Variants in LPIN2 observed in about 807,000 individuals in gnomAD.
LPIN2 encodes phosphatidate phosphatase LPIN2.
LPIN2 carries 55 observed loss-of-function variants against 111.4 expected under a neutral mutation model. The observed-to-expected ratio is 0.49, with a 90% CI of 0.40 to 0.62. LPIN2 has a LOEUF of 0.62. LPIN2 is among the 20% of genes least tolerant of loss of function. The pLI is 0.00. For missense variants in LPIN2, 992 were observed against 1,112.1 expected (o/e 0.89, Z 1.54); for synonymous variants, 425 against 414.0 (o/e 1.03, Z -0.32).
intron 3 of LPIN2, among the ~76,000 whole-genome samples, chr18:2,953,667 T>C (rs1243719289): frequency 6.6e-6 from 1 of 152,206 alleles, no homozygotes; most frequent in Non-Finnish European, 1.5e-5. Flanking sequence ...TGTAAGTTCA[T>C]CTTCAAAGCC....
In LPIN2 at chr18:2,919,498, AAGC is replaced by A. The variant is rs1272628373; in HGVS notation, c.*792_*794del. The A allele has an allele frequency of 6.6e-6, 1 of 152,288 alleles. No homozygotes were observed. The highest frequency in any genetic ancestry group is 2.1e-4 in the South Asian group (1 of 4,830). The allele number at this position is 152,288 out of a possible 1,614,324, so 9.4% of individuals were successfully genotyped here. ...ATCTGCATTTCGGAGGCCTCCCTAA[AAGC>A]AGAGTTGTTGGGGGCGGGGCGGGGT... On this transcript the variant is annotated 3_prime_UTR_variant, in exon 20 of 20. Coordinates refer to ENST00000677752, the MANE Select transcript of LPIN2 (RefSeq NM_001375808.2).
intron 9 of LPIN2, 123 bp from the exon 10 acceptor site, chr18:2,929,281 G>T: frequency 1.4e-6 from 1 of 706,282 alleles, no homozygotes; most frequent in Non-Finnish European, 2.4e-6. Context: ...ACTAATTTTT[G>T]AATATTCATC....
chr18:2,946,511 C>A, intron 4 of LPIN2: 3 of 1,566,178 alleles, frequency 1.9e-6, no homozygotes, highest in Non-Finnish European at 8.8e-7. Flanking sequence ...CTGACCGCAG[C>A]TCCGGTTGTA....
At chr18:2,941,299 GAGA>G (rs2077364315) in intron 4 of LPIN2, among the ~76,000 whole-genome samples, 1 of 152,180 alleles carries the variant, frequency 6.6e-6, no homozygotes, top group Admixed American at 6.5e-5. Flanking sequence ...AGGATTATCT[GAGA>G]AGGTTTCCTT....
In LPIN2 at chr18:2,920,070, C is replaced by T; in HGVS notation, c.*223G>A. Reference sequence around the variant, plus strand: ...CCACAAAGGAGGGATCCCAGGCCTCCAGCCCCAGGCCCAGTTCCTCCCTTC... The same window carrying T: ...CCACAAAGGAGGGATCCCAGGCCTCTAGCCCCAGGCCCAGTTCCTCCCTTC... On this transcript the variant is annotated 3_prime_UTR_variant, in exon 20 of 20. Coordinates refer to ENST00000677752, the MANE Select transcript of LPIN2 (RefSeq NM_001375808.2). 1 of 608,494 alleles carries T rather than the reference C, an allele frequency of 1.6e-6. No homozygotes were observed. Among genetic ancestry groups the T allele is most frequent in the South Asian group, 1.9e-5 (1 of 51,604 alleles). The allele number at this position is 608,494 out of a possible 1,614,324, so 37.7% of individuals were successfully genotyped here.
chr18:2,997,881 G>T (rs2078369612), intron 1 of LPIN2, among the ~76,000 whole-genome samples: 1 of 152,180 alleles, frequency 6.6e-6, no homozygotes, highest in Non-Finnish European at 1.5e-5. Flanking sequence ...TGCTAGATCG[G>T]TAAGCATGAA....
At chr18:2,975,341 G>C (rs1236133626) in intron 1 of LPIN2, among the ~76,000 whole-genome samples, 3 of 152,056 alleles carry the variant, frequency 2.0e-5, no homozygotes, top group African/African-American at 7.2e-5. Flanking sequence ...AAAATCTTAA[G>C]CCTTTTTTTT....
In LPIN2 at chr18:2,918,806, A is replaced by G. The variant is rs546949449; in HGVS notation, c.*1487T>C. On this transcript the variant is annotated 3_prime_UTR_variant, in exon 20 of 20. Coordinates refer to ENST00000677752, the MANE Select transcript of LPIN2 (RefSeq NM_001375808.2). ...ATTTCTCTATCTCTAGATCAGCATT[A>G]TTTTAGGTGAAGCAAACTAAAACAT... is the stretch of plus-strand genomic sequence containing the variant. 6.6e-6 allele frequency: 1 copy of G among 152,306 alleles called. No homozygotes were observed. The highest frequency in any genetic ancestry group is 2.4e-5 in the African/African-American group (1 of 41,564). The allele number at this position is 152,306 out of a possible 1,614,324, so 9.4% of individuals were successfully genotyped here.
At chr18:3,006,284 T>C (rs75550709) in intron 1 of LPIN2, among the ~76,000 whole-genome samples, 7,641 of 152,286 alleles carry the variant, frequency 0.05, 629 homozygotes, top group African/African-American at 0.17. Context: ...TGTCAGTGGA[T>C]AGACTAGATA....
intron 5 of LPIN2, 57 bp from the exon 6 acceptor site, chr18:2,939,660 C>A: frequency 6.3e-7 from 1 of 1,595,600 alleles, no homozygotes; most frequent in Non-Finnish European, 8.5e-7. Context: ...TTCAGTCTTG[C>A]TGAGCCTGAC....
chr18:2,918,653 TAGGTTTTGCCACTG>T lies in LPIN2; in HGVS notation c.*1626_*1639del, dbSNP rs1055773619. On this transcript the variant is annotated 3_prime_UTR_variant, in exon 20 of 20. Coordinates refer to ENST00000677752, the MANE Select transcript of LPIN2 (RefSeq NM_001375808.2). ...CCTTCTCTGGGAACATGAGCCTTCC[TAGGTTTTGCCACTG>T]AGAACTGTGTTTAGGGGATTTCAAC... 5 of 152,214 alleles carry T rather than the reference TAGGTTTTGCCACTG, an allele frequency of 3.3e-5. No individual in the cohort carries two copies. Among genetic ancestry groups the T allele is most frequent in the Non-Finnish European group, 7.4e-5 (5 of 68,026 alleles). 9.4% of individuals were successfully genotyped at this position (152,214 alleles called of 1,614,324 possible). A position where few individuals can be genotyped will look rare whatever the true frequency, so the allele number is the denominator to read the frequency against.
At position 2,923,844 on chromosome 18, in the gene LPIN2, T is replaced by C; in HGVS notation, c.2105A>G (p.Gln702Arg). ...GTCTTTGCCCAGCTGTGGGAGAATC[T>C]GTCCCAAAGCATCCGACCTAAGAAG... is the stretch of plus-strand genomic sequence containing the variant. ...GTITKSDALG[Q>R]ILPQLGKDWT... Residue 702 changes from glutamine to arginine, a missense_variant, in exon 16 of 20, where the codon CAG (glutamine) becomes CGG (arginine). Gln to Arg is a conservative substitution (Grantham distance 43). This residue lies in a region of LPIN2 where 31 missense variants were observed against 60.3 expected (regional missense o/e 0.51). Coordinates refer to ENST00000677752, the MANE Select transcript of LPIN2 (RefSeq NM_001375808.2). 1.2e-6 allele frequency: 2 copies of C among 1,614,204 alleles called. No individual in the cohort carries two copies. Among genetic ancestry groups the C allele is most frequent in the Non-Finnish European group, 1.7e-6 (2 of 1,180,010 alleles).
Position 2,940,723 on chromosome 18 carries a change from G to A in LPIN2, c.591-11C>T. On this transcript the variant is annotated splice_polypyrimidine_tract_variant and intron_variant, in intron 4 of 19. Transcript: ENST00000677752. ...GCATTTGAAGATCCTCTGTGAAGGAGAAACCAAAGAAAGGCAGGAACGATG... is the reference window on the plus strand; with the variant it reads ...GCATTTGAAGATCCTCTGTGAAGGAAAAACCAAAGAAAGGCAGGAACGATG... 3.3e-6 allele frequency: 5 copies of A among 1,504,034 alleles called. No individual in the cohort carries two copies. The highest frequency in any genetic ancestry group is 4.6e-6 in the Non-Finnish European group (5 of 1,080,966). The allele number at this position is 1,504,034 out of a possible 1,614,324, so 93.2% of individuals were successfully genotyped here.
intron 1 of LPIN2, among the ~76,000 whole-genome samples, chr18:2,967,907 C>G (rs144626100): frequency 6.6e-6 from 1 of 152,042 alleles, no homozygotes; most frequent in Non-Finnish European, 1.5e-5. Context: ...AAATAGCAGC[C>G]GCACAAGAAC....
chr18:2,922,958 C>G (rs1254460956), intron 16 of LPIN2, among the ~76,000 whole-genome samples: 1 of 152,164 alleles, frequency 6.6e-6, no homozygotes, highest in Non-Finnish European at 1.5e-5. Context: ...TTATGGTATT[C>G]TCAACTAATG....
chr18:2,970,956 G>T (rs1221724546), intron 1 of LPIN2, among the ~76,000 whole-genome samples: 1 of 152,098 alleles, frequency 6.6e-6, no homozygotes, highest in East Asian at 1.9e-4. Context: ...TGCTTTGTTG[G>T]ACTGAGTAGG....
At chr18:2,955,714 G>A (rs978896664) in intron 2 of LPIN2, among the ~76,000 whole-genome samples, 8 of 152,036 alleles carry the variant, frequency 5.3e-5, no homozygotes, top group Non-Finnish European at 8.8e-5. Context: ...TCAAGAGTTC[G>A]AGACCAACCT....
At chr18:3,004,185 C>A (rs1030698565) in intron 1 of LPIN2, among the ~76,000 whole-genome samples, 12 of 152,112 alleles carry the variant, frequency 7.9e-5, no homozygotes, top group Admixed American at 5.9e-4. Flanking sequence ...AGGACATAGA[C>A]CCTCATCAGT....
intron 1 of LPIN2, chr18:2,967,767 A>T (rs1369096978): frequency 6.6e-6 from 1 of 152,206 alleles, no homozygotes; most frequent in African/African-American, 2.4e-5. Flanking sequence ...AAATTCAAGC[A>T]AATGCCTTAC....
Sources: gnomAD v4.1 joint callset for allele counts (sites outside exome capture counted in the v4.1 genomes callset) on GRCh38, gnomAD v4.1.1 for gene constraint, gnomAD v4.1.1 regional missense constraint, MANE v1.5 for transcripts, NCBI Gene and HGNC (gene_info 2026-07-23, HGNC 2026-07-21) for gene names.